The following ERC1 variants were observed in gnomAD, a reference collection of about 807,000 sequenced individuals.
ERC1 encodes the protein RAB6 interacting protein 2.
In ERC1, 56 loss-of-function variants were observed where a neutral mutation model predicts 132.0. The ratio of observed to expected loss-of-function variants is 0.42; its 90% CI spans 0.34 to 0.53. ERC1 has a LOEUF of 0.53. Among genes scored for constraint, ERC1 ranks in the 20% least tolerant of loss-of-function variants. The pLI, the probability that ERC1 is intolerant of heterozygous loss-of-function variation, is 0.03. For missense variants in ERC1, 1,202 were observed against 1,349.9 expected (o/e 0.89, Z 1.72); for synonymous variants, 478 against 476.1 (o/e 1.00, Z -0.05).
chr12:1,495,703 G>A lies in ERC1; in HGVS notation c.*5473G>A, dbSNP rs1191176951. ...CCCCTTGTAGCTTGAGTTCCTTTTGGTAACAGTAGCAGCCTCCATGGTGGT... is the reference window on the plus strand; with the variant it reads ...CCCCTTGTAGCTTGAGTTCCTTTTGATAACAGTAGCAGCCTCCATGGTGGT... On this transcript the variant is annotated 3_prime_UTR_variant, in exon 19 of 19. Coordinates refer to ENST00000360905, the MANE Select transcript of ERC1 (RefSeq NM_178040.4). The A allele has an allele frequency of 4.5e-6, 1 of 224,496 alleles. No individual in the cohort carries two copies. The highest frequency in any genetic ancestry group is 1.8e-4 in the South Asian group (1 of 5,460). 13.9% of individuals were successfully genotyped at this position (224,496 alleles called of 1,614,324 possible).
chr12:1,359,331 C>T (rs1292358131), intron 15 of ERC1, among the ~76,000 whole-genome samples: 1 of 152,178 alleles, frequency 6.6e-6, no homozygotes, highest in Admixed American at 6.5e-5. Context: ...AGACAACTCA[C>T]TAGAACTAAG....
intron 2 of ERC1, among the ~76,000 whole-genome samples, chr12:1,074,421 C>T (rs1940997004): frequency 6.6e-6 from 1 of 152,096 alleles, no homozygotes; most frequent in Non-Finnish European, 1.5e-5. Flanking sequence ...CTGCCTCAGC[C>T]TCCCGAATAG....
At chr12:1,112,176 T>C in intron 5 of ERC1, 39 bp from the exon 6 acceptor site, 6 of 1,418,414 alleles carry the variant, frequency 4.2e-6, no homozygotes, top group Middle Eastern at 1.8e-4. Context: ...AAGACCTAAG[T>C]TGACACATAA....
At chr12:1,158,721 G>A (rs1951627688) in intron 8 of ERC1, among the ~76,000 whole-genome samples, 1 of 151,764 alleles carries the variant, frequency 6.6e-6, no homozygotes, top group East Asian at 1.9e-4. Flanking sequence ...CCAATGTCCT[G>A]GGATTACAGG....
chr12:1,411,885 C>A (rs2091873065), intron 17 of ERC1, among the ~76,000 whole-genome samples: 1 of 149,292 alleles, frequency 6.7e-6, no homozygotes, highest in Non-Finnish European at 1.5e-5. Context: ...TAGGTAACTT[C>A]ACCAGGAGAC....
At chr12:1,345,650 C>A (rs2084381422) in intron 15 of ERC1, among the ~76,000 whole-genome samples, 1 of 152,066 alleles carries the variant, frequency 6.6e-6, no homozygotes, top group African/African-American at 2.4e-5. Flanking sequence ...TTCTTCTCAC[C>A]AGTTTTTAAT....
At chr12:1,422,618 G>A (rs975151419) in intron 17 of ERC1, among the ~76,000 whole-genome samples, 8 of 152,136 alleles carry the variant, frequency 5.3e-5, no homozygotes, top group South Asian at 2.1e-4. Context: ...ACTTAGGTTA[G>A]TTCCATATCT....
intron 18 of ERC1, among the ~76,000 whole-genome samples, chr12:1,483,962 G>A (rs1377893831): frequency 1.3e-5 from 2 of 151,608 alleles, no homozygotes; most frequent in Non-Finnish European, 2.9e-5. Context: ...CCTGAGTGCT[G>A]GGATTATAGG....
chr12:1,319,104 C>G (rs1444822776), intron 15 of ERC1, among the ~76,000 whole-genome samples: 1 of 152,128 alleles, frequency 6.6e-6, no homozygotes, highest in Admixed American at 6.5e-5. Context: ...ATGTTCCTGA[C>G]TTCTGAACTG....
chr12:1,196,969 TATATATA>T (rs1159217152), intron 12 of ERC1, among the ~76,000 whole-genome samples: 17 of 78,410 alleles, frequency 2.2e-4, no homozygotes, highest in South Asian at 1.5e-3. Flanking sequence ...CACATATATA[TATATATA>T]TTTTTTTTTT....
intron 15 of ERC1, among the ~76,000 whole-genome samples, chr12:1,337,171 G>A (rs991921961): frequency 6.6e-6 from 1 of 152,138 alleles, no homozygotes; most frequent in Non-Finnish European, 1.5e-5. Context: ...CTGTTATTGT[G>A]TGGGAGTCTA....
chr12:1,153,959 T>C (rs2154255996), intron 8 of ERC1, among the ~76,000 whole-genome samples: 1 of 152,294 alleles, frequency 6.6e-6, no homozygotes, highest in South Asian at 2.1e-4. Flanking sequence ...TACATTGTAT[T>C]CAATAGGTAA....
Position 1,189,031 on chromosome 12 carries a change from T to G in ERC1, c.2158-828T>G, listed in dbSNP as rs186563948. Reference sequence around the variant, plus strand: ...CTTTTGTAGGATCCTGAATAAAAATTTTTTTCTCAGATCTTAGTGTGGTTC... The same window carrying G: ...CTTTTGTAGGATCCTGAATAAAAATGTTTTTCTCAGATCTTAGTGTGGTTC... On this transcript the variant is annotated intron_variant, in intron 11 of 18. Transcript: ENST00000360905. Among the ~76,000 whole-genome samples, 201 of 152,290 alleles carry G rather than the reference T, an allele frequency of 1.3e-3. 1 individual carries two copies. Among genetic ancestry groups the G allele is most frequent in the African/African-American group, 4.6e-3 (190 of 41,550 alleles).
chr12:1,399,482 A>C (rs755098727), intron 16 of ERC1, among the ~76,000 whole-genome samples: 5 of 152,168 alleles, frequency 3.3e-5, no homozygotes, highest in Admixed American at 6.5e-5. Flanking sequence ...CTTTTTATAT[A>C]TTAAATACAT....
chr12:1,233,454 G>T (rs1485821735), intron 12 of ERC1, among the ~76,000 whole-genome samples: 1 of 126,176 alleles, frequency 7.9e-6, no homozygotes, highest in Non-Finnish European at 1.6e-5. Context: ...CTGGGCAACA[G>T]AGTGAGACCC....
intron 18 of ERC1, among the ~76,000 whole-genome samples, chr12:1,483,911 C>A (rs954513983): frequency 4.6e-5 from 7 of 151,722 alleles, no homozygotes; most frequent in Non-Finnish European, 1.0e-4. Flanking sequence ...CCAGGCTGGC[C>A]TCAAACTCCT....
At chr12:1,115,754 C>G (rs886258535) in intron 6 of ERC1, 112 bp from the exon 7 acceptor site, 6 of 920,520 alleles carry the variant, frequency 6.5e-6, no homozygotes, top group Non-Finnish European at 9.7e-6. Context: ...ACCTATCACA[C>G]AGTTCGTGCT....
At chr12:1,401,475 A>C (rs1009349184) in intron 16 of ERC1, among the ~76,000 whole-genome samples, 1 of 152,160 alleles carries the variant, frequency 6.6e-6, no homozygotes, top group Non-Finnish European at 1.5e-5. Flanking sequence ...GAAATTCTCC[A>C]TATAAAATAT....
intron 8 of ERC1, among the ~76,000 whole-genome samples, chr12:1,179,935 A>G (rs947990711): frequency 2.6e-5 from 4 of 152,238 alleles, no homozygotes; most frequent in African/African-American, 9.6e-5. Flanking sequence ...TAGATAAAAG[A>G]TGATATAAGT....
Sources: allele counts gnomAD v4.1 joint callset (sites outside exome capture counted in the v4.1 genomes callset), GRCh38; gene constraint gnomAD v4.1.1; transcripts MANE v1.5; gene names NCBI Gene and HGNC (gene_info 2026-07-23, HGNC 2026-07-21).